Variants in TRPM3 observed in about 807,000 individuals in gnomAD.
TRPM3 encodes the protein transient receptor potential cation channel subfamily M member 3.
In TRPM3, 77 loss-of-function variants were observed where a neutral mutation model predicts 181.2. That is an observed-to-expected ratio of 0.42 (90% confidence interval 0.35 to 0.51). The LOEUF (loss-of-function observed/expected upper bound fraction) is 0.51, where lower values mean the gene tolerates loss of function less well. TRPM3 is among the 20% of genes least tolerant of loss of function. The pLI is 0.01. For synonymous variants in TRPM3, 745 were observed against 796.4 expected (o/e 0.94, Z 1.09); for missense variants, 1,759 against 2,196.7 (o/e 0.80, Z 3.98).
At chr9:71,285,666 A>C (rs2085222214) in intron 1 of TRPM3, among the ~76,000 whole-genome samples, 1 of 152,218 alleles carries the variant, frequency 6.6e-6, no homozygotes, top group African/African-American at 2.4e-5. Flanking sequence ...AAGCCAGCTC[A>C]AGTGCTCAGA....
At chr9:71,329,683 T>C (rs1037071698) in intron 1 of TRPM3, among the ~76,000 whole-genome samples, 1 of 152,226 alleles carries the variant, frequency 6.6e-6, no homozygotes, top group Middle Eastern at 3.2e-3. Context: ...TCAAGCTATT[T>C]ATTATCTCTA....
intron 1 of TRPM3, among the ~76,000 whole-genome samples, chr9:71,281,124 G>A (rs998437244): frequency 6.6e-6 from 1 of 152,196 alleles, no homozygotes; most frequent in African/African-American, 2.4e-5. Context: ...TGGAGGAAGA[G>A]GCACTCTCAC....
At chr9:71,422,466 C>T (rs1039161644) in intron 1 of TRPM3, among the ~76,000 whole-genome samples, 2 of 152,036 alleles carry the variant, frequency 1.3e-5, no homozygotes, top group African/African-American at 2.4e-5. Flanking sequence ...GGCCTAGTGG[C>T]AAAGAGTGAT....
chr9:71,360,383 T>C (rs2092093633), intron 1 of TRPM3, among the ~76,000 whole-genome samples: 1 of 152,174 alleles, frequency 6.6e-6, no homozygotes, highest in Admixed American at 6.6e-5. Context: ...TACAGGATCA[T>C]GAAAGCTAAA....
intron 1 of TRPM3, among the ~76,000 whole-genome samples, chr9:70,910,109 T>C (rs957905242): frequency 9.2e-5 from 14 of 152,150 alleles, no homozygotes; most frequent in Non-Finnish European, 2.9e-5. Context: ...GTATAAGTGC[T>C]TACAGTACCA....
At chr9:70,838,922 A>G (rs1199755666) in intron 5 of TRPM3, among the ~76,000 whole-genome samples, 1 of 152,156 alleles carries the variant, frequency 6.6e-6, no homozygotes, top group Admixed American at 6.6e-5. Flanking sequence ...TGTCCCTCAG[A>G]TGGGTAGATC....
intron 6 of TRPM3, among the ~76,000 whole-genome samples, chr9:70,807,129 T>C (rs1214754795): frequency 6.6e-6 from 1 of 152,226 alleles, no homozygotes; most frequent in Non-Finnish European, 1.5e-5. Flanking sequence ...AAGTTAGCCA[T>C]GCACTTCTAC....
chr9:70,755,654 A>C (rs926559956), intron 8 of TRPM3, among the ~76,000 whole-genome samples: 1 of 152,124 alleles, frequency 6.6e-6, no homozygotes, highest in African/African-American at 2.4e-5. Flanking sequence ...GGTGTGAGCC[A>C]CCAGACCCGG....
At chr9:70,596,230 G>A (rs376885224) in intron 21 of TRPM3, among the ~76,000 whole-genome samples, 2 of 152,208 alleles carry the variant, frequency 1.3e-5, no homozygotes, top group South Asian at 4.1e-4. Context: ...TCTCAAAGGG[G>A]TTTAAATAAA....
At chr9:71,017,423 C>T (rs922763653) in intron 1 of TRPM3, among the ~76,000 whole-genome samples, 1 of 151,646 alleles carries the variant, frequency 6.6e-6, no homozygotes, top group Admixed American at 6.6e-5. Flanking sequence ...AATAAGAAAA[C>T]AACTAAAAAT....
chr9:70,805,852 A>G (rs1226852710), intron 6 of TRPM3, among the ~76,000 whole-genome samples: 4 of 152,120 alleles, frequency 2.6e-5, no homozygotes, highest in African/African-American at 9.7e-5. Flanking sequence ...ATTGCTGCTT[A>G]TTTCTCAGCC....
intron 1 of TRPM3, among the ~76,000 whole-genome samples, chr9:70,997,280 G>T (rs941669218): frequency 1.3e-5 from 2 of 152,018 alleles, no homozygotes; most frequent in African/African-American, 4.8e-5. Flanking sequence ...CTCACTGCAG[G>T]CTCCGCCTCC....
intron 9 of TRPM3, among the ~76,000 whole-genome samples, chr9:70,642,242 CAT>C (rs1471993114): frequency 6.6e-6 from 1 of 152,140 alleles, no homozygotes; most frequent in Non-Finnish European, 1.5e-5. Context: ...CTCATTGAAA[CAT>C]ATGAGACTAC....
At chr9:71,276,935 T>C (rs1349794494) in intron 1 of TRPM3, among the ~76,000 whole-genome samples, 1 of 152,156 alleles carries the variant, frequency 6.6e-6, no homozygotes, top group Non-Finnish European at 1.5e-5. Context: ...AGTTGTGATA[T>C]GCCCATATCA....
chr9:71,432,072 G>A (rs1036824082), intron 1 of TRPM3, among the ~76,000 whole-genome samples: 2 of 152,192 alleles, frequency 1.3e-5, no homozygotes, highest in African/African-American at 4.8e-5. Flanking sequence ...TACCCAGGAA[G>A]AAGCAATAAC....
At chr9:70,868,984 A>G in intron 1 of TRPM3, 1 of 985,070 alleles carries the variant, frequency 1.0e-6, no homozygotes. Flanking sequence ...AAATCATTTT[A>G]CCTGAGCACT....
chr9:71,142,870 C>A (rs1396881484), intron 1 of TRPM3, among the ~76,000 whole-genome samples: 3 of 151,116 alleles, frequency 2.0e-5, no homozygotes, highest in African/African-American at 7.3e-5. Context: ...ACTGGGAGGC[C>A]AAGGCAGCGA....
At chr9:70,985,174 A>G (rs999094506) in intron 1 of TRPM3, among the ~76,000 whole-genome samples, 1 of 152,240 alleles carries the variant, frequency 6.6e-6, no homozygotes, top group African/African-American at 2.4e-5. Flanking sequence ...AGCCAATATT[A>G]CACAGTCCTT....
chr9:71,217,325 A>C (rs1229441985), intron 1 of TRPM3, among the ~76,000 whole-genome samples: 3 of 152,160 alleles, frequency 2.0e-5, no homozygotes, highest in Non-Finnish European at 4.4e-5. Flanking sequence ...CATATTTAGC[A>C]AAGACATGCC....
Sources: allele counts gnomAD v4.1 joint callset (sites outside exome capture counted in the v4.1 genomes callset), GRCh38; gene constraint gnomAD v4.1.1; transcripts MANE v1.5; gene names NCBI Gene and HGNC (gene_info 2026-07-23, HGNC 2026-07-21).